The following SLC25A48 variants were observed in gnomAD, a reference collection of about 807,000 sequenced individuals.
The protein encoded by SLC25A48 is solute carrier family 25 member 48.
A neutral mutation model predicts 32.2 loss-of-function variants in SLC25A48; 29 were observed. The observed-to-expected ratio is 0.90, with a 90% CI of 0.67 to 1.23. SLC25A48 has a LOEUF of 1.23. Among genes scored for constraint, SLC25A48 ranks in the 50% most tolerant of loss-of-function variants. SLC25A48 has a pLI of 0.00. For missense variants in SLC25A48, 399 were observed against 422.7 expected, an observed-to-expected ratio of 0.94 and a Z score of 0.49; for synonymous variants, 164 against 172.3, an observed-to-expected ratio of 0.95 and a Z score of 0.38.
intron 3 of SLC25A48, among the ~76,000 whole-genome samples, chr5:135,785,795 C>A (rs550959196): frequency 1.5e-5 from 2 of 129,554 alleles, no homozygotes; most frequent in Admixed American, 7.5e-5. Flanking sequence ...ATCCAGGGGG[C>A]GAGAGGGTAA....
intron 3 of SLC25A48, among the ~76,000 whole-genome samples, chr5:135,738,749 A>G (rs907883963): frequency 2.6e-5 from 4 of 152,192 alleles, no homozygotes; most frequent in African/African-American, 9.6e-5. Context: ...CTGACTTTGT[A>G]ATGATAGTTT....
intron 3 of SLC25A48, among the ~76,000 whole-genome samples, chr5:135,713,052 C>T (rs138289510): frequency 3.9e-5 from 6 of 152,274 alleles, no homozygotes; most frequent in African/African-American, 9.6e-5. Context: ...TTGGGTTTAA[C>T]GAACAGTGAT....
chr5:135,606,420 T>A (rs963392169), intron 1 of SLC25A48, among the ~76,000 whole-genome samples: 2 of 152,208 alleles, frequency 1.3e-5, no homozygotes, highest in African/African-American at 2.4e-5. Context: ...ATCCTCTAAG[T>A]GGACAAATAA....
chr5:135,885,871 T>C (rs948992669), intron 7 of SLC25A48, among the ~76,000 whole-genome samples: 3 of 152,198 alleles, frequency 2.0e-5, no homozygotes, highest in Admixed American at 1.3e-4. Context: ...CATGGAAATA[T>C]GTCAGCAACA....
At chr5:135,849,484 C>T (rs942612760) in intron 2 of SLC25A48, among the ~76,000 whole-genome samples, 2 of 152,138 alleles carry the variant, frequency 1.3e-5, no homozygotes, top group Admixed American at 1.3e-4. Flanking sequence ...AGCTCCTGCC[C>T]CTGGTCACCA....
chr5:135,714,364 G>A (rs966276112), intron 3 of SLC25A48, among the ~76,000 whole-genome samples: 1 of 152,148 alleles, frequency 6.6e-6, no homozygotes, highest in African/African-American at 2.4e-5. Flanking sequence ...TGGAAAAGAC[G>A]TGCTCCAGAT....
chr5:135,771,472 A>G (rs1299757280), intron 3 of SLC25A48, among the ~76,000 whole-genome samples: 1 of 151,418 alleles, frequency 6.6e-6, no homozygotes. Context: ...CATCATGGGA[A>G]TGTACACTCC....
At chr5:135,823,116 A>T (rs1168898821) in intron 4 of SLC25A48, among the ~76,000 whole-genome samples, 2 of 151,398 alleles carry the variant, frequency 1.3e-5, no homozygotes, top group Non-Finnish European at 2.9e-5. Context: ...AGCATGTGTC[A>T]GGGGCGGGGA....
rs142035527 is a variant in SLC25A48 at position 135,770,079 on chromosome 5, A to T, written c.-520-42444A>T. 2.4e-3 allele frequency among the ~76,000 whole-genome samples: 291 copies of T among 122,914 alleles called. 3 individuals are homozygous for T. The highest frequency in any genetic ancestry group is 6.9e-3 in the African/African-American group (276 of 39,970). 80.6% of individuals were successfully genotyped at this position (122,914 alleles called of 152,430 possible). On this transcript the variant is annotated intron_variant, in intron 3 of 10. Coordinates refer to the SLC25A48 transcript ENST00000646290. ...AAACCCCCCACGTGATATTTTTCCTAATAGCCGGGGGGGAGACAATGATAT... is the reference window on the plus strand; with the variant it reads ...AAACCCCCCACGTGATATTTTTCCTTATAGCCGGGGGGGAGACAATGATAT...
At chr5:135,774,284 C>A (rs1292368568) in intron 3 of SLC25A48, among the ~76,000 whole-genome samples, 1 of 151,674 alleles carries the variant, frequency 6.6e-6, no homozygotes, top group Non-Finnish European at 1.5e-5. Flanking sequence ...GAGGTGTACA[C>A]CACCCCTGTG....
chr5:135,778,853 G>A (rs1337243881), intron 3 of SLC25A48, among the ~76,000 whole-genome samples: 5 of 5,462 alleles, frequency 9.2e-4, no homozygotes, highest in African/African-American at 2.2e-3. Flanking sequence ...CCCCCGCCCC[G>A]CCGTGACATT....
intron 3 of SLC25A48, among the ~76,000 whole-genome samples, chr5:135,693,480 G>A (rs1754192814): frequency 6.6e-6 from 1 of 152,190 alleles, no homozygotes; most frequent in Non-Finnish European, 1.5e-5. Context: ...AGGAAGATGC[G>A]GTGGTATGCC....
intron 1 of SLC25A48, among the ~76,000 whole-genome samples, chr5:135,624,053 G>A (rs541812840): frequency 2.2e-4 from 34 of 152,142 alleles, no homozygotes; most frequent in Non-Finnish European, 2.9e-4. Flanking sequence ...GGGTGGGAGC[G>A]GGGGGTTGGT....
chr5:135,869,033 G>C (rs921105088), intron 4 of SLC25A48, among the ~76,000 whole-genome samples: 1 of 152,178 alleles, frequency 6.6e-6, no homozygotes, highest in African/African-American at 2.4e-5. Context: ...GAGTGGGAGA[G>C]AGAACCCACA....
intron 1 of SLC25A48, among the ~76,000 whole-genome samples, chr5:135,615,831 A>G (rs1032328501): frequency 6.6e-6 from 1 of 152,250 alleles, no homozygotes; most frequent in Non-Finnish European, 1.5e-5. Context: ...ATCCCAGGCC[A>G]AGAAGCTTAG....
intron 4 of SLC25A48, among the ~76,000 whole-genome samples, chr5:135,858,058 G>A (rs969690312): frequency 6.6e-6 from 1 of 151,458 alleles, no homozygotes; most frequent in African/African-American, 2.4e-5. Flanking sequence ...CGAGCCTCCT[G>A]TATGGCAATC....
At chr5:135,720,114 C>T (rs1178897129) in intron 3 of SLC25A48, among the ~76,000 whole-genome samples, 1 of 152,236 alleles carries the variant, frequency 6.6e-6, no homozygotes, top group Non-Finnish European at 1.5e-5. Flanking sequence ...AGCTCAAAGT[C>T]ACTCCAGCTC....
chr5:135,814,960 C>A (rs1757680070), intron 4 of SLC25A48, among the ~76,000 whole-genome samples: 2 of 152,226 alleles, frequency 1.3e-5, no homozygotes, highest in African/African-American at 2.4e-5. Context: ...ACTGTGGGTT[C>A]TGCTAGACCA....
chr5:135,595,954 C>T (rs1010423567), intron 1 of SLC25A48, among the ~76,000 whole-genome samples: 2 of 152,184 alleles, frequency 1.3e-5, no homozygotes, highest in African/African-American at 2.4e-5. Context: ...CTTTTGGGCA[C>T]CAGCCCTCCC....
Sources: allele counts gnomAD v4.1 joint callset (sites outside exome capture counted in the v4.1 genomes callset), GRCh38; gene constraint gnomAD v4.1.1; transcripts MANE v1.5; gene names NCBI Gene and HGNC (gene_info 2026-07-23, HGNC 2026-07-21).